Variants in MAGI1 observed in about 807,000 individuals in gnomAD.
MAGI1 encodes the protein membrane-associated guanylate kinase, WW and PDZ domain-containing protein 1.
A neutral mutation model predicts 139.9 loss-of-function variants in MAGI1; 58 were observed. That is an observed-to-expected ratio of 0.41 (90% CI 0.34 to 0.52). MAGI1 has a LOEUF of 0.52. MAGI1 is among the 20% of genes least tolerant of loss of function. The pLI, the probability that MAGI1 is intolerant of heterozygous loss-of-function variation, is 0.12. For synonymous variants in MAGI1, 812 were observed against 737.9 expected (o/e 1.10, Z -1.63); for missense variants, 1,874 against 1,901.6 (o/e 0.99, Z 0.27).
chr3:65,925,176 T>C (rs1190885733), intron 1 of MAGI1: 3 of 152,238 alleles, frequency 2.0e-5, no homozygotes, highest in Non-Finnish European at 4.4e-5. Flanking sequence ...ATGAGATGGC[T>C]GAGGAAGAAA....
chr3:65,378,545 C>G (rs1281603382), intron 17 of MAGI1, among the ~76,000 whole-genome samples: 1 of 152,140 alleles, frequency 6.6e-6, no homozygotes, highest in East Asian at 1.9e-4. Context: ...TTAAGACATT[C>G]TTAAGACCAT....
At chr3:65,998,827 C>T (rs2066593175) in intron 1 of MAGI1, among the ~76,000 whole-genome samples, 1 of 151,906 alleles carries the variant, frequency 6.6e-6, no homozygotes, top group South Asian at 2.1e-4. Flanking sequence ...AAAAATGAGG[C>T]TATGAACTTT....
intron 1 of MAGI1, among the ~76,000 whole-genome samples, chr3:65,960,788 T>G (rs924384754): frequency 6.6e-6 from 1 of 152,174 alleles, no homozygotes; most frequent in African/African-American, 2.4e-5. Flanking sequence ...GTCTGTAATT[T>G]CCCCACCTTT....
At chr3:65,409,702 T>C (rs2107185617) in intron 12 of MAGI1, among the ~76,000 whole-genome samples, 1 of 152,222 alleles carries the variant, frequency 6.6e-6, no homozygotes, top group East Asian at 1.9e-4. Flanking sequence ...AATACAAATA[T>C]GATACCAGCT....
chr3:65,630,889 C>T (rs1398489723), intron 1 of MAGI1, among the ~76,000 whole-genome samples: 2 of 152,192 alleles, frequency 1.3e-5, no homozygotes, highest in Non-Finnish European at 2.9e-5. Flanking sequence ...GAGAAGCAGT[C>T]GCCAGACAAT....
intron 1 of MAGI1, among the ~76,000 whole-genome samples, chr3:65,730,205 C>T (rs1411746074): frequency 6.8e-6 from 1 of 148,044 alleles, no homozygotes; most frequent in African/African-American, 2.5e-5. Context: ...AGAATCTTTG[C>T]ATTAAGAGTA....
intron 6 of MAGI1, chr3:65,452,822 T>C (rs1949117694): frequency 6.3e-6 from 1 of 159,868 alleles, no homozygotes; most frequent in African/African-American, 2.4e-5. Flanking sequence ...CCTCCAAGAC[T>C]AGGGAAGTAT....
At chr3:65,701,551 T>C (rs2089610145) in intron 1 of MAGI1, among the ~76,000 whole-genome samples, 1 of 151,916 alleles carries the variant, frequency 6.6e-6, no homozygotes, top group Admixed American at 6.6e-5. Context: ...CCGCGCCCAG[T>C]CCCAAGTAGC....
rs556152388 is a variant in MAGI1 at position 65,901,062 on chromosome 3, T to C, written c.313+136934A>G. ...GGGTGTTTCCAAAACTGGCCTACAC[T>C]GGATAACCCTTACCTTGGGTATGCT... On this transcript the variant is annotated intron_variant, in intron 1 of 22. Transcript: ENST00000402939. Among the ~76,000 whole-genome samples the C allele has an allele frequency of 1.1e-4, 17 of 152,350 alleles. No homozygotes were observed. In the South Asian group the frequency reaches 3.5e-3, roughly 32 times the overall value.
intron 1 of MAGI1, among the ~76,000 whole-genome samples, chr3:65,890,096 T>A (rs775838506): frequency 2.0e-5 from 3 of 147,884 alleles, no homozygotes; most frequent in Non-Finnish European, 4.4e-5. Flanking sequence ...CCAGTCGCGG[T>A]GGCTCACGCC....
chr3:65,997,240 G>T (rs1003556730), intron 1 of MAGI1, among the ~76,000 whole-genome samples: 2 of 152,110 alleles, frequency 1.3e-5, no homozygotes. Context: ...CCTTATACAA[G>T]ATCCAAACCA....
intron 1 of MAGI1, among the ~76,000 whole-genome samples, chr3:65,975,208 T>C (rs1029595300): frequency 2.6e-5 from 4 of 152,150 alleles, no homozygotes; most frequent in African/African-American, 9.7e-5. Flanking sequence ...AATAGTTCGT[T>C]TTCATTCTAA....
Position 65,935,233 on chromosome 3 carries a change from T to TG in MAGI1, c.313+102762dup, listed in dbSNP as rs540570390. Among the ~76,000 whole-genome samples the TG allele has an allele frequency of 2.9e-3, 441 of 152,194 alleles. 2 individuals are homozygous for TG. Among genetic ancestry groups the TG allele is most frequent in the African/African-American group, 9.8e-3 (405 of 41,530 alleles). On this transcript the variant is annotated intron_variant, in intron 1 of 22. Transcript: ENST00000402939. ...AAACACATGTTTTCAGGCCAAAAGC[T>TG]GGAGAACAAGGTGAGTTTAAAGAAC...
chr3:65,372,827 A>G (rs1173539233), intron 18 of MAGI1, among the ~76,000 whole-genome samples: 1 of 152,176 alleles, frequency 6.6e-6, no homozygotes, highest in African/African-American at 2.4e-5. Flanking sequence ...GCTAGCTTCA[A>G]AGTATCTTCT....
chr3:65,608,555 A>C (rs893812097), intron 2 of MAGI1, among the ~76,000 whole-genome samples: 2 of 152,250 alleles, frequency 1.3e-5, no homozygotes. Context: ...ATTCTACATC[A>C]GAAAAATGCA....
rs529951689 is a variant in MAGI1, at chr3:65,846,154, A to C, written c.313+191842T>G. The stretch of plus-strand genomic sequence containing the variant: ...GCAAAGGAACAGGGACCAGGCAGCT[A>C]TAAATCCAGCAGCCACCAGCCCCTC... On this transcript the variant is annotated intron_variant, in intron 1 of 22. Transcript: ENST00000402939. Among the ~76,000 whole-genome samples the C allele has an allele frequency of 2.6e-5, 4 of 152,354 alleles. No individual in the cohort carries two copies. In the South Asian group the frequency reaches 8.3e-4, roughly 32 times the overall value.
chr3:65,823,295 C>T (rs1208020962), intron 1 of MAGI1, among the ~76,000 whole-genome samples: 1 of 152,102 alleles, frequency 6.6e-6, no homozygotes, highest in Non-Finnish European at 1.5e-5. Context: ...TTATGTTATT[C>T]TGTCTACTCT....
At chr3:65,415,883 T>C (rs1365446727) in intron 12 of MAGI1, among the ~76,000 whole-genome samples, 1 of 152,162 alleles carries the variant, frequency 6.6e-6, no homozygotes, top group East Asian at 1.9e-4. Context: ...CTTCCTCCTT[T>C]AGTTACCAAA....
chr3:65,481,460 T>C (rs1249533738), intron 3 of MAGI1, among the ~76,000 whole-genome samples: 3 of 152,204 alleles, frequency 2.0e-5, no homozygotes, highest in African/African-American at 7.2e-5. Context: ...ATTTTAAAAA[T>C]AATCTGCATA....
Sources: allele counts gnomAD v4.1 joint callset (sites outside exome capture counted in the v4.1 genomes callset), GRCh38; gene constraint gnomAD v4.1.1; transcripts MANE v1.5; gene names NCBI Gene and HGNC (gene_info 2026-07-23, HGNC 2026-07-21).